The following USP32 variants were observed in gnomAD, a reference collection of about 807,000 sequenced individuals.
USP32 encodes ubiquitin carboxyl-terminal hydrolase 32.
In USP32, 59 loss-of-function variants were observed where a neutral mutation model predicts 204.8. That is an observed-to-expected ratio of 0.29 (90% confidence interval 0.23 to 0.36). The LOEUF (loss-of-function observed/expected upper bound fraction) is 0.36. USP32 is among the 10% of genes least tolerant of loss of function. USP32 has a pLI of 1.00. For missense variants in USP32, 1,160 were observed against 1,946.4 expected (o/e 0.60, Z 7.60); for synonymous variants, 517 against 678.4 (o/e 0.76, Z 3.70).
At chr17:60,268,582 CAAAAA>C (rs57060420) in intron 7 of USP32, among the ~76,000 whole-genome samples, 1 of 45,452 alleles carries the variant, frequency 2.2e-5, no homozygotes. Flanking sequence ...GACCCTGTCT[CAAAAA>C]AAAAAAAAAA....
At chr17:60,234,303 C>CG (rs1406713976) in intron 12 of USP32, among the ~76,000 whole-genome samples, 1 of 151,210 alleles carries the variant, frequency 6.6e-6, no homozygotes, top group Non-Finnish European at 1.5e-5. Flanking sequence ...TCAGTAGAGA[C>CG]GGGGTTTCAC....
At chr17:60,212,906 ACCACACCC>A (rs2085009086) in intron 18 of USP32, among the ~76,000 whole-genome samples, 1 of 152,062 alleles carries the variant, frequency 6.6e-6, no homozygotes, top group African/African-American at 2.4e-5. Context: ...GGCACGTGCC[ACCACACCC>A]AGCTAATTTT....
chr17:60,411,056 C>T (rs1322902854), intron 1 of USP32, among the ~76,000 whole-genome samples: 4 of 151,606 alleles, frequency 2.6e-5, no homozygotes, highest in African/African-American at 7.3e-5. Flanking sequence ...AGGCCAGGCA[C>T]GGTGGCTCAC....
In USP32 at chr17:60,178,880, C is replaced by T. The variant is rs8067625; in HGVS notation, c.*375G>A. 0.065 allele frequency among the ~76,000 whole-genome samples: 9,877 copies of T among 152,238 alleles called. 1,131 individuals are homozygous for T. Among genetic ancestry groups the T allele is most frequent in the African/African-American group, 0.22 (9,306 of 41,502 alleles). On this transcript the variant is annotated 3_prime_UTR_variant, in exon 34 of 34. Coordinates refer to ENST00000300896, the MANE Select transcript of USP32 (RefSeq NM_032582.4). ...ACATTATAATTGTTTGTTTTTTACT[C>T]TGACTCCAAGGAAATCTTTAATATT...
chr17:60,416,469 G>A (rs957892585), intron 1 of USP32, among the ~76,000 whole-genome samples: 4 of 152,138 alleles, frequency 2.6e-5, no homozygotes, highest in East Asian at 3.8e-4. Flanking sequence ...CCTGCCAGAT[G>A]CCTAAAGTAT....
chr17:60,251,200 C>T (rs1055902511), intron 11 of USP32, among the ~76,000 whole-genome samples: 2 of 151,952 alleles, frequency 1.3e-5, no homozygotes, highest in African/African-American at 4.8e-5. Flanking sequence ...GCCTTGGCTT[C>T]CCAAAGTGCT....
intron 2 of USP32, among the ~76,000 whole-genome samples, chr17:60,331,574 A>T (rs538077819): frequency 6.9e-6 from 1 of 145,438 alleles, no homozygotes; most frequent in Non-Finnish European, 1.5e-5. Flanking sequence ...TCAAAAAAAA[A>T]TAAAATAAAC....
chr17:60,276,194 C>T (rs2086836050), intron 5 of USP32, among the ~76,000 whole-genome samples: 1 of 152,164 alleles, frequency 6.6e-6, no homozygotes, highest in Admixed American at 6.5e-5. Context: ...GCTTGGGCAA[C>T]ATAGTGAGAC....
intron 27 of USP32, 84 bp downstream of exon 27, chr17:60,198,176 G>A: frequency 6.6e-7 from 1 of 1,513,864 alleles, no homozygotes. Context: ...ACATAGGCTG[G>A]GTCCTATCAG....
intron 1 of USP32, among the ~76,000 whole-genome samples, chr17:60,384,663 G>A (rs949975106): frequency 2.0e-5 from 3 of 151,956 alleles, no homozygotes; most frequent in South Asian, 2.1e-4. Context: ...TGGTGGCACC[G>A]TGCCTGTAAT....
At chr17:60,345,365 G>A in intron 2 of USP32, 116 bp downstream of exon 2, 1 of 1,434,100 alleles carries the variant, frequency 7.0e-7, no homozygotes, top group Non-Finnish European at 9.4e-7. Flanking sequence ...ACCCACTCAG[G>A]AAGAAAAATA....
At chr17:60,206,115 T>A (rs1216299232) in intron 25 of USP32, among the ~76,000 whole-genome samples, 1 of 150,326 alleles carries the variant, frequency 6.7e-6, no homozygotes, top group Non-Finnish European at 1.5e-5. Flanking sequence ...ACCCAGGAGC[T>A]AGTGACCAGC....
chr17:60,270,951 A>G (rs1263636309), intron 6 of USP32, among the ~76,000 whole-genome samples: 1 of 152,112 alleles, frequency 6.6e-6, no homozygotes, highest in Admixed American at 6.5e-5. Context: ...CTTCTTATGT[A>G]AAAGAAAAAA....
At chr17:60,307,271 T>C (rs977811738) in intron 2 of USP32, among the ~76,000 whole-genome samples, 1 of 152,074 alleles carries the variant, frequency 6.6e-6, no homozygotes, top group Non-Finnish European at 1.5e-5. Context: ...AGCTAATTTT[T>C]TGTATTTTTA....
At chr17:60,263,973 A>T (rs1174675595) in intron 9 of USP32, among the ~76,000 whole-genome samples, 1 of 152,172 alleles carries the variant, frequency 6.6e-6, no homozygotes, top group Non-Finnish European at 1.5e-5. Flanking sequence ...ATGCTTCAGT[A>T]GAAAGACTCC....
intron 3 of USP32, among the ~76,000 whole-genome samples, chr17:60,296,602 C>T (rs2087435524): frequency 6.6e-6 from 1 of 152,126 alleles, no homozygotes; most frequent in Non-Finnish European, 1.5e-5. Flanking sequence ...TTCTAAGCTA[C>T]CCAGTTTGTG....
chr17:60,200,136 G>A (rs780333244), intron 26 of USP32, among the ~76,000 whole-genome samples: 35 of 152,052 alleles, frequency 2.3e-4, no homozygotes, highest in Non-Finnish European at 4.7e-4. Flanking sequence ...ATAGAGTACA[G>A]TGAGCCGAGA....
At chr17:60,282,808 A>C (rs1432075447) in intron 5 of USP32, among the ~76,000 whole-genome samples, 2 of 152,206 alleles carry the variant, frequency 1.3e-5, no homozygotes, top group African/African-American at 4.8e-5. Context: ...GAGGCAATCA[A>C]ATGTTTAAAT....
At chr17:60,203,792 G>T (rs996565078) in intron 26 of USP32, among the ~76,000 whole-genome samples, 4 of 152,136 alleles carry the variant, frequency 2.6e-5, no homozygotes, top group African/African-American at 9.7e-5. Flanking sequence ...GGCCAGGCTG[G>T]TCTCGAACTC....
Sources: gnomAD v4.1 joint callset for allele counts (sites outside exome capture counted in the v4.1 genomes callset) on GRCh38, gnomAD v4.1.1 for gene constraint, MANE v1.5 for transcripts, NCBI Gene and HGNC (gene_info 2026-07-23, HGNC 2026-07-21) for gene names.